TOX: variants seen among roughly 807,000 people sequenced by gnomAD.
TOX encodes the protein thymocyte selection associated high mobility group box.
TOX carries 11 observed loss-of-function variants against 53.7 expected under a neutral mutation model. The ratio of observed to expected loss-of-function variants is 0.20; its 90% CI spans 0.13 to 0.34. The LOEUF is 0.34. TOX is among the 10% of genes least tolerant of loss of function. The pLI is 1.00. For missense variants in TOX, 570 were observed against 664.6 expected (o/e 0.86, Z 1.56); for synonymous variants, 225 against 245.3 (o/e 0.92, Z 0.77).
chr8:59,071,856 T>C (rs1205653864), intron 1 of TOX, among the ~76,000 whole-genome samples: 1 of 152,212 alleles, frequency 6.6e-6, no homozygotes, highest in Non-Finnish European at 1.5e-5. Flanking sequence ...ATAAATTAGA[T>C]ATTTAAAGGA....
chr8:58,810,591 G>A (rs1215979040), intron 7 of TOX, among the ~76,000 whole-genome samples: 1 of 151,880 alleles, frequency 6.6e-6, no homozygotes, highest in Non-Finnish European at 1.5e-5. Context: ...GGGTTAAAGC[G>A]ATCCTCCCAC....
Position 58,920,906 on chromosome 8 carries a change from T to A in TOX, c.411+18396A>T, listed in dbSNP as rs1010080766. On this transcript the variant is annotated intron_variant, in intron 3 of 8. Coordinates refer to ENST00000361421, the MANE Select transcript of TOX (RefSeq NM_014729.3). Reference sequence around the variant, plus strand: ...AAAAAAATTATATATATTTAAAGTATCTGATATTCCCAGTTTATTAATTAT... The same window carrying A: ...AAAAAAATTATATATATTTAAAGTAACTGATATTCCCAGTTTATTAATTAT... 2.6e-5 allele frequency among the ~76,000 whole-genome samples: 4 copies of A among 152,214 alleles called. No homozygotes were observed. In the East Asian group the frequency reaches 7.7e-4, roughly 29 times the overall value.
chr8:58,908,403 C>T (rs1034895611), intron 3 of TOX, among the ~76,000 whole-genome samples: 17 of 152,206 alleles, frequency 1.1e-4, no homozygotes, highest in East Asian at 3.9e-4. Context: ...CCTCTCATCT[C>T]CCAAACCTGC....
intron 1 of TOX, among the ~76,000 whole-genome samples, chr8:59,043,201 C>CTGTGTGTGTG (rs10660376): frequency 0.011 from 1,595 of 147,976 alleles, 35 homozygotes; most frequent in African/African-American, 0.036. Flanking sequence ...ACTTTCTTTT[C>CTGTGTGTGTG]TGTGTGTGTG....
chr8:58,813,638 G>T (rs1298981022), intron 7 of TOX, among the ~76,000 whole-genome samples: 2 of 152,196 alleles, frequency 1.3e-5, no homozygotes, highest in Non-Finnish European at 2.9e-5. Flanking sequence ...CTTAAGACAA[G>T]GCAGGGTGGT....
rs572184939 is a variant in TOX, at chr8:58,818,010, T to C, written c.1006-2286A>G. Reference sequence around the variant, plus strand: ...TTAAATAATTGTATGTGGTCCATCATATAGAGAGATGATAGATAAGCAGAG... The same window carrying C: ...TTAAATAATTGTATGTGGTCCATCACATAGAGAGATGATAGATAAGCAGAG... On this transcript the variant is annotated intron_variant, in intron 6 of 8. Transcript: ENST00000361421. 1.7e-3 allele frequency among the ~76,000 whole-genome samples: 263 copies of C among 152,306 alleles called. 1 individual carries two copies. The highest frequency in any genetic ancestry group is 6.8e-3 in the Middle Eastern group (2 of 294).
chr8:58,898,157 T>G (rs1811681982), intron 3 of TOX, among the ~76,000 whole-genome samples: 1 of 152,188 alleles, frequency 6.6e-6, no homozygotes. Flanking sequence ...AGTTTTCAAT[T>G]TGGCTCCCTC....
At chr8:59,035,865 C>T (rs1201653129) in intron 1 of TOX, among the ~76,000 whole-genome samples, 2 of 152,208 alleles carry the variant, frequency 1.3e-5, no homozygotes, top group Non-Finnish European at 2.9e-5. Flanking sequence ...AGCCAGAGGG[C>T]ACTGTTCTAA....
chr8:58,954,063 C>T (rs1812670448), intron 2 of TOX, among the ~76,000 whole-genome samples: 1 of 152,108 alleles, frequency 6.6e-6, no homozygotes, highest in African/African-American at 2.4e-5. Context: ...TTGGAGCACA[C>T]TACTGTTTCC....
intron 4 of TOX, among the ~76,000 whole-genome samples, chr8:58,844,855 C>T (rs1285853778): frequency 6.6e-6 from 1 of 152,052 alleles, no homozygotes; most frequent in African/African-American, 2.4e-5. Flanking sequence ...CACAGATACA[C>T]GTGCTTCATG....
chr8:59,062,937 C>T (rs370343404), intron 1 of TOX, among the ~76,000 whole-genome samples: 46 of 152,186 alleles, frequency 3.0e-4, no homozygotes, highest in Middle Eastern at 3.4e-3. Context: ...TAATTTAATA[C>T]CTTTAACAAG....
At chr8:58,902,743 A>C (rs1811751970) in intron 3 of TOX, among the ~76,000 whole-genome samples, 1 of 152,216 alleles carries the variant, frequency 6.6e-6, no homozygotes, top group Admixed American at 6.5e-5. Context: ...TACACCTGCC[A>C]CTTCACAATG....
intron 1 of TOX, among the ~76,000 whole-genome samples, chr8:59,026,206 C>T (rs1001551047): frequency 6.6e-6 from 1 of 151,956 alleles, no homozygotes; most frequent in African/African-American, 2.4e-5. Context: ...TAACCGTGTA[C>T]ACTTTGGATC....
chr8:58,924,518 G>A (rs1469114218), intron 3 of TOX, among the ~76,000 whole-genome samples: 1 of 152,222 alleles, frequency 6.6e-6, no homozygotes, highest in East Asian at 1.9e-4. Context: ...CACATTTTAT[G>A]CCTGAATGGC....
At chr8:58,890,033 T>G (rs542020079) in intron 3 of TOX, among the ~76,000 whole-genome samples, 232 of 152,270 alleles carry the variant, frequency 1.5e-3, no homozygotes, top group South Asian at 3.9e-3. Flanking sequence ...AAAAAATTAT[T>G]TTGGTGGGAA....
chr8:58,932,794 C>A (rs1299165941), intron 3 of TOX, among the ~76,000 whole-genome samples: 4 of 152,072 alleles, frequency 2.6e-5, no homozygotes, highest in African/African-American at 9.7e-5. Flanking sequence ...TTCATGAGTC[C>A]TGTATAGCAC....
intron 1 of TOX, among the ~76,000 whole-genome samples, chr8:58,999,666 C>A (rs1554537510): frequency 6.6e-6 from 1 of 152,136 alleles, no homozygotes; most frequent in Non-Finnish European, 1.5e-5. Flanking sequence ...TAGCAGAACT[C>A]TATGTGTGAC....
Position 58,875,407 on chromosome 8 carries a change from T to G in TOX, c.412-23602A>C, listed in dbSNP as rs188402795. Among the ~76,000 whole-genome samples, 990 of 152,270 alleles carry G rather than the reference T, an allele frequency of 6.5e-3. 19 individuals are homozygous for G. The highest frequency in any genetic ancestry group is 7.1e-3 in the Admixed American group (109 of 15,282). On this transcript the variant is annotated intron_variant, in intron 3 of 8. Transcript: ENST00000361421. ...AAGGGAGAAATGTACTAGTATATAG[T>G]AATTTAATAGTTAACTTTTTGCATT...
intron 1 of TOX, among the ~76,000 whole-genome samples, chr8:59,040,879 C>G (rs1046046931): frequency 6.6e-6 from 1 of 152,204 alleles, no homozygotes; most frequent in African/African-American, 2.4e-5. Flanking sequence ...CTCCTGGCTC[C>G]TTGGCTGAAA....
Sources: allele counts gnomAD v4.1 joint callset (sites outside exome capture counted in the v4.1 genomes callset), GRCh38; gene constraint gnomAD v4.1.1; transcripts MANE v1.5; gene names NCBI Gene and HGNC (gene_info 2026-07-23, HGNC 2026-07-21).